Variants in EPRS1 observed in about 807,000 individuals in gnomAD.
EPRS1 encodes the protein glutamyl-prolyl-tRNA synthetase 1, also known as bifunctional glutamate/proline--tRNA ligase.
Under a neutral mutation model 188.3 loss-of-function variants are expected in EPRS1, and 107 were observed. The ratio of observed to expected loss-of-function variants is 0.57; its 90% CI spans 0.49 to 0.67. The LOEUF (loss-of-function observed/expected upper bound fraction) is 0.67. Ranked by LOEUF, EPRS1 falls within the 30% of genes least tolerant of loss-of-function variation. The pLI, the probability that EPRS1 is intolerant of heterozygous loss-of-function variation, is 0.00. For synonymous variants in EPRS1, 596 were observed against 593.1 expected, an observed-to-expected ratio of 1.00 and a Z score of -0.07; for missense variants, 1,577 against 1,802.2, an observed-to-expected ratio of 0.88 and a Z score of 2.26.
At chr1:220,018,066 G>T in intron 12 of EPRS1, 1 of 1,003,448 alleles carries the variant, frequency 1.0e-6, no homozygotes, top group Non-Finnish European at 1.4e-6. Context: ...AACATCTCAG[G>T]TTTTAACATG....
intron 18 of EPRS1, among the ~76,000 whole-genome samples, chr1:219,989,851 T>G (rs1661085073): frequency 1.3e-5 from 2 of 152,186 alleles, no homozygotes; most frequent in Admixed American, 6.5e-5. Flanking sequence ...ACTCCTGTTG[T>G]GTCTCTTGTT....
At chr1:219,975,010 C>T (rs7521682) in intron 28 of EPRS1, among the ~76,000 whole-genome samples, 70,072 of 152,018 alleles carry the variant, frequency 0.46, 16,248 homozygotes, top group South Asian at 0.53. Flanking sequence ...AAAAAACATT[C>T]TATAAAAAAC....
chr1:220,001,216 G>A lies in EPRS1; in HGVS notation c.2103C>T (p.Tyr701=). The change falls in exon 17 of 32, where the codon TAC becomes TAT. Residue 701 remains tyrosine, a synonymous_variant. Transcript: ENST00000366923. ...SCKEAPCVLI[Y]IPDGHTKEMP... ...TTTCCTTTGTGTGCCCATCAGGAATGTATATCAAAACACACGGGGCTTCCT... is the reference window on the plus strand; with the variant it reads ...TTTCCTTTGTGTGCCCATCAGGAATATATATCAAAACACACGGGGCTTCCT... 1 of 1,613,782 alleles carries A rather than the reference G, an allele frequency of 6.2e-7. No homozygotes were observed. Among genetic ancestry groups the A allele is most frequent in the South Asian group, 1.1e-5 (1 of 91,072 alleles).
chr1:220,006,509 G>A (rs2102580646), intron 14 of EPRS1, among the ~76,000 whole-genome samples, 196 bp from the exon 15 acceptor site: 1 of 151,410 alleles, frequency 6.6e-6, no homozygotes, highest in South Asian at 2.1e-4. Context: ...GACATATATT[G>A]GTTAATAAAT....
At chr1:220,041,916 A>G (rs902135024) in intron 1 of EPRS1, among the ~76,000 whole-genome samples, 25 of 152,228 alleles carry the variant, frequency 1.6e-4, no homozygotes, top group Admixed American at 6.5e-5. Context: ...GGCTGTGGCA[A>G]GGAAGGTGCA....
chr1:220,022,661 A>G lies in EPRS1; in HGVS notation c.944-143T>C, dbSNP rs980902617. The G allele has an allele frequency of 2.1e-5, 14 of 657,260 alleles. No individual in the cohort carries two copies. The African/African-American group carries it at 2.6e-4, about 12-fold the overall frequency. 40.7% of individuals were successfully genotyped at this position (657,260 alleles called of 1,614,324 possible). A position where few individuals can be genotyped will look rare whatever the true frequency, so the allele number is the denominator to read the frequency against. ...TTAAAAACACTGTAATATTTCCAGT[A>G]TCCAGTACCAAGAGCAAATGCGTCA... On this transcript the variant is annotated intron_variant, in intron 8 of 31. Coordinates refer to ENST00000366923, the MANE Select transcript of EPRS1 (RefSeq NM_004446.3).
intron 30 of EPRS1, among the ~76,000 whole-genome samples, chr1:219,971,795 T>TATATATATATATATATATATATACAC (rs140568859): frequency 4.6e-5 from 5 of 108,400 alleles, no homozygotes; most frequent in South Asian, 6.6e-4. Flanking sequence ...TATATATATA[T>TATATATATATATATATATATATACAC]ACATATACAC....
At chr1:219,980,462 G>A (rs1215511420) in intron 25 of EPRS1, among the ~76,000 whole-genome samples, 1 of 152,098 alleles carries the variant, frequency 6.6e-6, no homozygotes, top group Admixed American at 6.5e-5. Flanking sequence ...ATGTATATAT[G>A]TTTAGAATAT....
intron 1 of EPRS1, among the ~76,000 whole-genome samples, chr1:220,041,781 G>A (rs1662299504): frequency 6.6e-6 from 1 of 151,526 alleles, no homozygotes; most frequent in Non-Finnish European, 1.5e-5. Flanking sequence ...CGGAGATTGT[G>A]GCAAGCCAAG....
chr1:220,006,098 A>G lies in EPRS1; in HGVS notation c.1950+8T>C. ...AAAAGGTGAAATATGGTTTCTTTGG[A>G]AGGTTACCTTACTGTTCTTGTTGAC... On this transcript the variant is annotated splice_region_variant and intron_variant, in intron 15 of 31. Coordinates refer to ENST00000366923, the MANE Select transcript of EPRS1 (RefSeq NM_004446.3). The G allele has an allele frequency of 6.7e-7, 1 of 1,498,086 alleles. No homozygotes were observed. Among genetic ancestry groups the G allele is most frequent in the Non-Finnish European group, 9.0e-7 (1 of 1,109,394 alleles). 92.8% of individuals were successfully genotyped at this position (1,498,086 alleles called of 1,614,324 possible).
intron 8 of EPRS1, 91 bp downstream of exon 8, chr1:220,024,173 A>C (rs1039386319): frequency 1.1e-6 from 1 of 900,958 alleles, no homozygotes; most frequent in Non-Finnish European, 1.6e-6. Flanking sequence ...ACAAACAAAA[A>C]AACTAGCAGC....
rs745911832 is a variant in EPRS1 at position 220,011,035 on chromosome 1, G to A, written c.1516C>T (p.Arg506Ter). Residue 506 changes from arginine (R) to a stop codon, truncating the protein, a stop_gained, in exon 13 of 32, where the codon CGA becomes TGA. Transcript: ENST00000366923. LOFTEE classifies it high-confidence loss of function. ...NKKVIDPVAP[R>*]YVALLKKEVI... is the part of the protein sequence containing the mutation. ...TCTTTCTTCAGTAATGCAACATATC[G>A]TGGAGCCACTGGGTCAATAACCTGC... 6 of 1,610,850 alleles carry A rather than the reference G, an allele frequency of 3.7e-6. No individual in the cohort carries two copies. The highest frequency in any genetic ancestry group is 2.2e-5 in the East Asian group (1 of 44,830).
chr1:219,998,776 C>T (rs1366662591), intron 17 of EPRS1, among the ~76,000 whole-genome samples: 4 of 151,884 alleles, frequency 2.6e-5, no homozygotes, highest in Non-Finnish European at 5.9e-5. Context: ...CTCCTGGCCT[C>T]GTGATCTGTC....
intron 30 of EPRS1, among the ~76,000 whole-genome samples, chr1:219,969,724 G>A (rs1660628952): frequency 6.6e-6 from 1 of 151,562 alleles, no homozygotes; most frequent in South Asian, 2.1e-4. Context: ...AGATACTTAG[G>A]ATTTTATTTT....
chr1:219,996,888 T>C (rs1284717795), intron 18 of EPRS1, 95 bp downstream of exon 18: 1 of 1,262,244 alleles, frequency 7.9e-7, no homozygotes, highest in Non-Finnish European at 1.1e-6. Context: ...CATCAAAATA[T>C]GAGCAGTCGA....
intron 11 of EPRS1, 72 bp downstream of exon 11, chr1:220,018,921 TAA>T: frequency 2.3e-6 from 2 of 874,944 alleles, no homozygotes; most frequent in Admixed American, 4.5e-5. Flanking sequence ...ACAGAGATAA[TAA>T]AGAGTAAAGG....
intron 13 of EPRS1, among the ~76,000 whole-genome samples, chr1:220,010,613 C>T (rs1661583203): frequency 6.6e-6 from 1 of 151,982 alleles, no homozygotes; most frequent in South Asian, 2.1e-4. Context: ...AGATTGAGAC[C>T]AACCTGGCCA....
chr1:220,005,061 G>C (rs947375661), intron 16 of EPRS1, among the ~76,000 whole-genome samples, 187 bp downstream of exon 16: 2 of 152,142 alleles, frequency 1.3e-5, no homozygotes, highest in East Asian at 3.8e-4. Context: ...TTCAATGTGC[G>C]TGTTGTTTCA....
intron 27 of EPRS1, among the ~76,000 whole-genome samples, chr1:219,979,098 G>A (rs2102562722): frequency 6.6e-6 from 1 of 152,296 alleles, no homozygotes; most frequent in African/African-American, 2.4e-5. Flanking sequence ...CAAGCAATCT[G>A]CCCGCCTTGG....
Sources: allele counts gnomAD v4.1 joint callset (sites outside exome capture counted in the v4.1 genomes callset), GRCh38; gene constraint gnomAD v4.1.1; transcripts MANE v1.5; gene names NCBI Gene and HGNC (gene_info 2026-07-23, HGNC 2026-07-21).